OR10G8: variants seen among roughly 807,000 people sequenced by gnomAD.
OR10G8 encodes olfactory receptor family 10 subfamily G member 8.
For missense variants in OR10G8, 386 were observed against 384.9 expected, an observed-to-expected ratio of 1.00 and a Z score of -0.02; for synonymous variants, 173 against 163.2, an observed-to-expected ratio of 1.06 and a Z score of -0.46.
intron 1 of OR10G8, among the ~76,000 whole-genome samples, chr11:124,027,407 A>G: frequency 6.6e-6 from 1 of 152,238 alleles, no homozygotes; most frequent in South Asian, 2.1e-4. Context: ...AGTTAGATAC[A>G]TAGATAGATA....
intron 1 of OR10G8, among the ~76,000 whole-genome samples, chr11:124,027,982 A>AT (rs1565594112): frequency 1.3e-5 from 2 of 152,104 alleles, no homozygotes; most frequent in Non-Finnish European, 2.9e-5. Flanking sequence ...CTCTTCTTAC[A>AT]TTGGTCCCGT....
rs199629354 is a variant in OR10G8, at chr11:124,030,203, T to A, written c.581T>A (p.Ile194Lys). 4 of 1,614,070 alleles carry A rather than the reference T, an allele frequency of 2.5e-6. No homozygotes were observed. In the East Asian group the frequency reaches 8.9e-5, roughly 36 times the overall value. Residue 194 changes from isoleucine (I) to lysine (K), a missense_variant, in exon 2 of 2, where the codon ATA becomes AAA. Transcript: ENST00000641224. ...CTGGCCTGTGCAGACACCTCAGCCA[T>A]AGAGACTGTCATTTTTGTGACTGTT... ...LKLACADTSAIETVIFVTVGI... is the reference protein window; with the variant it reads ...LKLACADTSAKETVIFVTVGI...
chr11:124,029,397 CAT>C (rs1173408551), intron 1 of OR10G8, among the ~76,000 whole-genome samples, 197 bp from the exon 2 acceptor site: 2 of 152,108 alleles, frequency 1.3e-5, no homozygotes, highest in African/African-American at 4.8e-5. Context: ...ATTTCTTCCG[CAT>C]ATGTCTCTGT....
At position 124,029,767 on chromosome 11, in the gene OR10G8, G is replaced by A. The variant is rs764456515; in HGVS notation, c.145G>A (p.Val49Met). The change falls in exon 2 of 2, where the codon GTG (valine) becomes ATG (methionine). Residue 49 changes from valine to methionine, a missense_variant. Physicochemically the swap from Val to Met is conservative, Grantham distance 21 (BLOSUM62 1). Transcript: ENST00000641224. ...CCTCCTCATCCTGCTGGTGATCAGGGTGGATTCTCACCTCCACACCACCAT... is the reference window on the plus strand; with the variant it reads ...CCTCCTCATCCTGCTGGTGATCAGGATGGATTCTCACCTCCACACCACCAT... The part of the protein sequence containing the change: ...GNLLILLVIR[V>M]DSHLHTTMYY... 5.0e-6 allele frequency: 8 copies of A among 1,614,008 alleles called. No individual in the cohort carries two copies. The highest frequency in any genetic ancestry group is 6.8e-6 in the Non-Finnish European group (8 of 1,179,938).
chr11:124,030,567 G>T lies in OR10G8; in HGVS notation c.*9G>T, dbSNP rs1367484805. 6.4e-7 allele frequency: 1 copy of T among 1,557,268 alleles called. No individual in the cohort carries two copies. The highest frequency in any genetic ancestry group is 2.2e-5 in the East Asian group (1 of 44,572). ...ATTCTCAGAGCAAATAGACACTAGG[G>T]AAGATTACATATCTTAGCTCTTGTG... On this transcript the variant is annotated 3_prime_UTR_variant, in exon 2 of 2. Transcript: ENST00000641224.
Position 124,030,443 on chromosome 11 carries a change from T to C in OR10G8, c.821T>C (p.Phe274Ser), listed in dbSNP as rs1478546459. 6.2e-7 allele frequency: 1 copy of C among 1,614,248 alleles called. No homozygotes were observed. The highest frequency in any genetic ancestry group is 8.5e-7 in the Non-Finnish European group (1 of 1,180,054). Residue 274 changes from phenylalanine to serine, a missense_variant, in exon 2 of 2, where the codon TTC becomes TCC. Physicochemically the swap from Phe to Ser is radical, Grantham distance 155. Transcript: ENST00000641224. ...GCTGTGGATGGAGTTGTGGCCGTTT[T>C]CTACACTGTGCTGACGCCCCTTCTC... ...RKAVDGVVAVFYTVLTPLLNP... is the reference protein window; with the variant it reads ...RKAVDGVVAVSYTVLTPLLNP...
intron 1 of OR10G8, among the ~76,000 whole-genome samples, 200 bp from the exon 2 acceptor site, chr11:124,029,396 G>A (rs1456700038): frequency 5.3e-5 from 8 of 152,028 alleles, no homozygotes; most frequent in East Asian, 3.9e-4. Context: ...AATTTCTTCC[G>A]CATATGTCTC....
At position 124,030,183 on chromosome 11, in the gene OR10G8, C is replaced by T. The variant is rs762780303; in HGVS notation, c.561C>T (p.Ala187=). 1 of 1,614,092 alleles carries T rather than the reference C, an allele frequency of 6.2e-7. No individual in the cohort carries two copies. Among genetic ancestry groups the T allele is most frequent in the South Asian group, 1.1e-5 (1 of 91,074 alleles). Residue 187 remains alanine (A), a synonymous_variant, in exon 2 of 2, where the codon GCC becomes GCT. Transcript: ENST00000641224. The part of the protein sequence containing the change: ...LCDAPPILKL[A]CADTSAIETV... ...ATGCACCGCCCATCCTGAAACTGGC[C>T]TGTGCAGACACCTCAGCCATAGAGA...
chr11:124,029,608 C>T lies in OR10G8; in HGVS notation c.-15C>T, dbSNP rs764051390. 2.5e-6 allele frequency: 4 copies of T among 1,610,264 alleles called. No homozygotes were observed. Among genetic ancestry groups the T allele is most frequent in the African/African-American group, 1.3e-5 (1 of 74,822 alleles). On this transcript the variant is annotated 5_prime_UTR_variant, in exon 2 of 2. Coordinates refer to ENST00000641224, the MANE Select transcript of OR10G8 (RefSeq NM_001004464.2). ...TTTATATTCCCAGAGGGAGAGAGACCAAGGGTGAGAAGAAATGTCCAACGC... is the reference window on the plus strand; with the variant it reads ...TTTATATTCCCAGAGGGAGAGAGACTAAGGGTGAGAAGAAATGTCCAACGC...
chr11:124,028,072 T>C (rs1864121421), intron 1 of OR10G8, among the ~76,000 whole-genome samples: 1 of 152,164 alleles, frequency 6.6e-6, no homozygotes, highest in South Asian at 2.1e-4. Context: ...ATTCATTACC[T>C]GGATTTATGA....
chr11:124,030,066 G>C lies in OR10G8; in HGVS notation c.444G>C (p.Trp148Cys), dbSNP rs148656754. Reference sequence around the variant, plus strand: ...GTACTCTTCTGGCCACCAGCACTTGGCTCAGTGGCTCTCTGCACTCTGCTG... The same window carrying C: ...GTACTCTTCTGGCCACCAGCACTTGCCTCAGTGGCTCTCTGCACTCTGCTG... ...RSCTLLATSTWLSGSLHSAVQ... is the reference protein window; with the variant it reads ...RSCTLLATSTCLSGSLHSAVQ... The change falls in exon 2 of 2, where the codon TGG (tryptophan) becomes TGC (cysteine). Residue 148 changes from tryptophan (W) to cysteine (C), a missense_variant. Trp to Cys is a radical substitution (Grantham distance 215). Coordinates refer to ENST00000641224, the MANE Select transcript of OR10G8 (RefSeq NM_001004464.2). 29 of 1,613,930 alleles carry C rather than the reference G, an allele frequency of 1.8e-5. No homozygotes were observed. The highest frequency in any genetic ancestry group is 2.5e-6 in the Non-Finnish European group (3 of 1,179,982).
At chr11:124,028,408 C>T (rs1864124525) in intron 1 of OR10G8, among the ~76,000 whole-genome samples, 1 of 152,180 alleles carries the variant, frequency 6.6e-6, no homozygotes, top group South Asian at 2.1e-4. Flanking sequence ...CCTTTGAAAG[C>T]AGGCAGTAGT....
rs1864148242 is a variant in OR10G8 at position 124,030,424 on chromosome 11, G to A, written c.802G>A (p.Asp268Asn). 6.2e-7 allele frequency: 1 copy of A among 1,614,084 alleles called. No homozygotes were observed. The highest frequency in any genetic ancestry group is 8.5e-7 in the Non-Finnish European group (1 of 1,180,036). ...GAGGCCAGGCTCCAGGAAAGCTGTGGATGGAGTTGTGGCCGTTTTCTACAC... is the reference window on the plus strand; with the variant it reads ...GAGGCCAGGCTCCAGGAAAGCTGTGAATGGAGTTGTGGCCGTTTTCTACAC... ...YLRPGSRKAV[D>N]GVVAVFYTVL... Residue 268 changes from aspartate (D) to asparagine (N), a missense_variant, in exon 2 of 2, where the codon GAT becomes AAT. By Grantham distance (23) the Asp-to-Asn change is conservative. Coordinates refer to ENST00000641224, the MANE Select transcript of OR10G8 (RefSeq NM_001004464.2).
chr11:124,028,094 A>G (rs1040665699), intron 1 of OR10G8, among the ~76,000 whole-genome samples: 2 of 152,164 alleles, frequency 1.3e-5, no homozygotes, highest in African/African-American at 2.4e-5. Flanking sequence ...AATGAGGAGT[A>G]AAGGAAGATG....
chr11:124,028,676 G>A (rs935022227), intron 1 of OR10G8, among the ~76,000 whole-genome samples: 1 of 152,188 alleles, frequency 6.6e-6, no homozygotes, highest in African/African-American at 2.4e-5. Flanking sequence ...ACTTCTCAGT[G>A]AGGTAGGTGA....
At chr11:124,028,312 C>T (rs943940445) in intron 1 of OR10G8, among the ~76,000 whole-genome samples, 1 of 152,124 alleles carries the variant, frequency 6.6e-6, no homozygotes, top group Non-Finnish European at 1.5e-5. Context: ...AACCTTGATG[C>T]TCTCTGGATC....
In OR10G8 at chr11:124,030,432, T is replaced by G. The variant is rs753519087; in HGVS notation, c.810T>G (p.Val270=). The change falls in exon 2 of 2, where the codon GTT becomes GTG. Residue 270 remains valine (V), a synonymous_variant. Coordinates refer to ENST00000641224, the MANE Select transcript of OR10G8 (RefSeq NM_001004464.2). ...GCTCCAGGAAAGCTGTGGATGGAGT[T>G]GTGGCCGTTTTCTACACTGTGCTGA... ...RPGSRKAVDG[V]VAVFYTVLTP... 22 of 1,614,226 alleles carry G rather than the reference T, an allele frequency of 1.4e-5. No homozygotes were observed. The highest frequency in any genetic ancestry group is 1.9e-5 in the Non-Finnish European group (22 of 1,180,028).
rs752083932 is a variant in OR10G8 at position 124,029,958 on chromosome 11, C to T, written c.336C>T (p.Phe112=). The change falls in exon 2 of 2, where the codon TTC becomes TTT. Residue 112 remains phenylalanine, a synonymous_variant. Coordinates refer to ENST00000641224, the MANE Select transcript of OR10G8 (RefSeq NM_001004464.2). ...ACTTCCTAGGGGGCACCGAGTGTTT[C>T]CTCTACAGGGTCATGTCCTGTGATC... The part of the protein sequence containing the change: ...FFHFLGGTEC[F]LYRVMSCDRY... The T allele has an allele frequency of 9.9e-6, 16 of 1,614,112 alleles. No homozygotes were observed. The highest frequency in any genetic ancestry group is 1.4e-5 in the Non-Finnish European group (16 of 1,180,004).
Position 124,030,187 on chromosome 11 carries a change from G to A in OR10G8, c.565G>A (p.Ala189Thr). The A allele has an allele frequency of 6.2e-7, 1 of 1,614,090 alleles. No homozygotes were observed. Among genetic ancestry groups the A allele is most frequent in the Non-Finnish European group, 8.5e-7 (1 of 1,179,940 alleles). ...ACCGCCCATCCTGAAACTGGCCTGTGCAGACACCTCAGCCATAGAGACTGT... is the reference window on the plus strand; with the variant it reads ...ACCGCCCATCCTGAAACTGGCCTGTACAGACACCTCAGCCATAGAGACTGT... The part of the protein sequence containing the change: ...DAPPILKLAC[A>T]DTSAIETVIF... The change falls in exon 2 of 2, where the codon GCA becomes ACA. Residue 189 changes from alanine to threonine, a missense_variant. Ala to Thr is a moderately conservative substitution (Grantham distance 58). Transcript: ENST00000641224.
Sources: gnomAD v4.1 joint callset for allele counts (sites outside exome capture counted in the v4.1 genomes callset) on GRCh38, gnomAD v4.1.1 for gene constraint, MANE v1.5 for transcripts, NCBI Gene and HGNC (gene_info 2026-07-23, HGNC 2026-07-21) for gene names.